Variants in ZNF407 observed in about 807,000 individuals in gnomAD.
The protein encoded by ZNF407 is zinc finger protein 407.
ZNF407 carries 17 observed loss-of-function variants against 131.2 expected under a neutral mutation model. That is an observed-to-expected ratio of 0.13 (90% confidence interval 0.09 to 0.19). ZNF407 has a LOEUF of 0.19. ZNF407 is among the 10% of genes least tolerant of loss of function. The pLI is 1.00. For missense variants in ZNF407, 2,681 were observed against 2,830.6 expected, an observed-to-expected ratio of 0.95 and a Z score of 1.20; for synonymous variants, 1,156 against 1,062.0, an observed-to-expected ratio of 1.09 and a Z score of -1.72.
At chr18:74,663,535 G>A (rs1288526868) in intron 3 of ZNF407, among the ~76,000 whole-genome samples, 2 of 152,062 alleles carry the variant, frequency 1.3e-5, no homozygotes, top group Non-Finnish European at 2.9e-5. Flanking sequence ...TAGAACGCAG[G>A]TCCCGGCTCG....
intron 3 of ZNF407, among the ~76,000 whole-genome samples, chr18:74,645,369 G>T (rs145901291): frequency 1.3e-5 from 2 of 151,982 alleles, no homozygotes; most frequent in African/African-American, 4.8e-5. Context: ...ATTGAGAAGC[G>T]CAGACCCTGG....
At chr18:74,615,291 G>A (rs544575610) in intron 1 of ZNF407, among the ~76,000 whole-genome samples, 2 of 152,324 alleles carry the variant, frequency 1.3e-5, no homozygotes, top group Admixed American at 1.3e-4. Flanking sequence ...CAGATCACGA[G>A]GTCAAGAGAT....
intron 3 of ZNF407, among the ~76,000 whole-genome samples, chr18:74,734,949 T>TG (rs1968380251): frequency 6.6e-6 from 1 of 152,180 alleles, no homozygotes; most frequent in African/African-American, 2.4e-5. Context: ...ACTTACCTCT[T>TG]AGTTGCCAAA....
At chr18:74,767,496 T>A (rs1327120558) in intron 3 of ZNF407, among the ~76,000 whole-genome samples, 1 of 152,098 alleles carries the variant, frequency 6.6e-6, no homozygotes, top group Non-Finnish European at 1.5e-5. Context: ...TGTTCTAATT[T>A]TTGTATAATT....
chr18:74,867,574 G>C (rs1971031100), intron 4 of ZNF407, among the ~76,000 whole-genome samples: 1 of 152,162 alleles, frequency 6.6e-6, no homozygotes, highest in Admixed American at 6.5e-5. Flanking sequence ...ACCAGCATGA[G>C]TATCTGACTG....
intron 3 of ZNF407, among the ~76,000 whole-genome samples, chr18:74,743,039 G>A (rs770042814): frequency 3.9e-5 from 6 of 152,218 alleles, no homozygotes; most frequent in East Asian, 1.9e-4. Flanking sequence ...AGAACTTGAC[G>A]GCTGAATAAT....
intron 3 of ZNF407, among the ~76,000 whole-genome samples, chr18:74,756,692 T>C (rs1038998219): frequency 1.3e-5 from 2 of 152,202 alleles, no homozygotes; most frequent in Non-Finnish European, 2.9e-5. Flanking sequence ...TTTAAATTCT[T>C]CAGGATCTTC....
intron 8 of ZNF407, among the ~76,000 whole-genome samples, chr18:74,959,744 T>C (rs1001754051): frequency 6.6e-6 from 1 of 152,236 alleles, no homozygotes; most frequent in African/African-American, 2.4e-5. Context: ...ATCTGATAAA[T>C]TATGTCATTT....
At chr18:75,019,818 A>T (rs758282421) in intron 8 of ZNF407, among the ~76,000 whole-genome samples, 1 of 152,100 alleles carries the variant, frequency 6.6e-6, no homozygotes, top group African/African-American at 2.4e-5. Flanking sequence ...ACACCTTCCC[A>T]TGGTGGCAGG....
At chr18:74,602,334 T>C (rs1013411985) in intron 1 of ZNF407, among the ~76,000 whole-genome samples, 3 of 152,226 alleles carry the variant, frequency 2.0e-5, no homozygotes, top group African/African-American at 7.2e-5. Flanking sequence ...CATTGTCTTC[T>C]TTAAGTGTCA....
rs984480830 is a variant in ZNF407 at position 74,804,109 on chromosome 18, T to C, written c.4877+22607T>C. On this transcript the variant is annotated intron_variant, in intron 4 of 8. Coordinates refer to ENST00000299687, the MANE Select transcript of ZNF407 (RefSeq NM_017757.3). ...AGTGGGAGGATTGGCTGAGGACTTATTTTGGTTGAAGTTAGACATATTTCA... is the reference window on the plus strand; with the variant it reads ...AGTGGGAGGATTGGCTGAGGACTTACTTTGGTTGAAGTTAGACATATTTCA... The C allele has an allele frequency of 1.1e-5, 17 of 1,540,204 alleles. No homozygotes were observed. The East Asian group carries it at 1.7e-4, about 16-fold the overall frequency.
chr18:74,635,316 A>G lies in ZNF407; in HGVS notation c.4297A>G (p.Ile1433Val), dbSNP rs891664470. ...ADGLSGLNVHIAMKHPTKEKH... is the reference protein window; with the variant it reads ...ADGLSGLNVHVAMKHPTKEKH... The stretch of plus-strand genomic sequence containing the variant: ...TGGACTGAGTGGACTGAATGTTCAC[A>G]TAGCCATGAAGCATCCTACAAAAGA... The change falls in exon 2 of 9, where the codon ATA becomes GTA. Residue 1433 changes from isoleucine to valine, a missense_variant. By Grantham distance (29) the Ile-to-Val change is conservative. Coordinates refer to ENST00000299687, the MANE Select transcript of ZNF407 (RefSeq NM_017757.3). This position sits in a 1 kb window ranked among gnomAD's most constrained non-coding sequence, Gnocchi z 4.7. The G allele has an allele frequency of 4.3e-6, 7 of 1,614,058 alleles. No individual in the cohort carries two copies. Among genetic ancestry groups the G allele is most frequent in the Admixed American group, 1.7e-5 (1 of 60,030 alleles).
chr18:74,712,231 G>A (rs984112109), intron 3 of ZNF407, among the ~76,000 whole-genome samples: 1 of 152,118 alleles, frequency 6.6e-6, no homozygotes, highest in Admixed American at 6.5e-5. Context: ...TAGAAGTCTT[G>A]GGTTCATGTC....
At chr18:74,640,404 A>G (rs1568141128) in intron 2 of ZNF407, among the ~76,000 whole-genome samples, 1 of 152,152 alleles carries the variant, frequency 6.6e-6, no homozygotes, top group Non-Finnish European at 1.5e-5. Context: ...TCGATTTTTG[A>G]CTATAAAAAT....
chr18:74,846,098 ATTT>A (rs1479709320), intron 4 of ZNF407, among the ~76,000 whole-genome samples: 2 of 152,210 alleles, frequency 1.3e-5, no homozygotes, highest in Non-Finnish European at 2.9e-5. Flanking sequence ...ACTAGAAATT[ATTT>A]TTGAGAGATG....
At chr18:75,011,754 C>T (rs1403096317) in intron 8 of ZNF407, among the ~76,000 whole-genome samples, 3 of 152,020 alleles carry the variant, frequency 2.0e-5, no homozygotes, top group Non-Finnish European at 4.4e-5. Context: ...ATCTTAAACT[C>T]GCATTATAAT....
intron 4 of ZNF407, among the ~76,000 whole-genome samples, chr18:74,852,207 G>A (rs1015416356): frequency 9.4e-5 from 14 of 149,654 alleles, no homozygotes; most frequent in East Asian, 3.9e-4. Context: ...ACGCACGCAC[G>A]CACGCGCACG....
chr18:75,044,674 T>C (rs1973412132), intron 8 of ZNF407, among the ~76,000 whole-genome samples: 1 of 152,220 alleles, frequency 6.6e-6, no homozygotes, highest in Admixed American at 6.5e-5. Context: ...TTTCCATTGA[T>C]ATGTTTGATA....
chr18:75,043,342 C>A (rs1973395620), intron 8 of ZNF407, among the ~76,000 whole-genome samples: 1 of 152,190 alleles, frequency 6.6e-6, no homozygotes, highest in Non-Finnish European at 1.5e-5. Flanking sequence ...TCATAATGAG[C>A]TAAAGCAGTC....
Sources: allele counts gnomAD v4.1 joint callset (sites outside exome capture counted in the v4.1 genomes callset), GRCh38; gene constraint gnomAD v4.1.1; non-coding constraint Gnocchi (gnomAD v3.1); transcripts MANE v1.5; gene names NCBI Gene and HGNC (gene_info 2026-07-23, HGNC 2026-07-21).